PCNX2: variants seen among roughly 807,000 people sequenced by gnomAD.
PCNX2 encodes pecanex-like protein 2.
A neutral mutation model predicts 223.8 loss-of-function variants in PCNX2; 168 were observed. That is an observed-to-expected ratio of 0.75 (90% confidence interval 0.66 to 0.85). The LOEUF is 0.85. Ranked by LOEUF, PCNX2 falls within the 40% of genes least tolerant of loss-of-function variation. The pLI is 0.00. For synonymous variants in PCNX2, 1,006 were observed against 1,052.6 expected (o/e 0.96, Z 0.86); for missense variants, 2,507 against 2,675.5 (o/e 0.94, Z 1.39).
intron 9 of PCNX2, among the ~76,000 whole-genome samples, chr1:233,232,663 A>C (rs1658138046): frequency 6.6e-6 from 1 of 152,184 alleles, no homozygotes; most frequent in African/African-American, 2.4e-5. Context: ...TAATTATTTC[A>C]ATTGTTTCAT....
At chr1:233,036,574 G>C (rs1671462782) in intron 25 of PCNX2, among the ~76,000 whole-genome samples, 1 of 150,776 alleles carries the variant, frequency 6.6e-6, no homozygotes, top group South Asian at 2.1e-4. Context: ...AGGGTGCAGA[G>C]AGCCAAGATT....
In PCNX2 at chr1:233,014,917, G is replaced by A. The variant is rs1252704026; in HGVS notation, c.4840-140C>T. 1.5e-5 allele frequency: 8 copies of A among 527,390 alleles called. No individual in the cohort carries two copies. The African/African-American group carries it at 1.6e-4, about 10-fold the overall frequency. 32.7% of individuals were successfully genotyped at this position (527,390 alleles called of 1,614,324 possible). On this transcript the variant is annotated intron_variant, in intron 27 of 33. Transcript: ENST00000258229. ...CCCTCTAAGATGACCCCACAGACAG[G>A]GAATGCTCAGCTTCCTGAAGCAGTT... is the stretch of plus-strand genomic sequence containing the variant.
chr1:233,292,202 CT>C lies in PCNX2; in HGVS notation c.153+3123del, dbSNP rs963996089. Among the ~76,000 whole-genome samples, 960 of 109,508 alleles carry C rather than the reference CT, an allele frequency of 8.8e-3. 4 individuals are homozygous for C. The highest frequency in any genetic ancestry group is 0.071 in the East Asian group (264 of 3,706). The allele number at this position is 109,508 out of a possible 152,430, so 71.8% of individuals were successfully genotyped here. A position where few individuals can be genotyped will look rare whatever the true frequency, so the allele number is the denominator to read the frequency against. ...ATAGTGAAACTTTCTTTCTTTCTTTCTTTTTTTTTTTTTTTTTTTTTTGAGA... is the reference window on the plus strand; with the variant it reads ...ATAGTGAAACTTTCTTTCTTTCTTTCTTTTTTTTTTTTTTTTTTTTTGAGA... On this transcript the variant is annotated intron_variant, in intron 1 of 33. Coordinates refer to ENST00000258229, the MANE Select transcript of PCNX2 (RefSeq NM_014801.4).
intron 17 of PCNX2, among the ~76,000 whole-genome samples, chr1:233,164,864 G>C (rs1371841168): frequency 6.6e-6 from 1 of 152,048 alleles, no homozygotes; most frequent in Non-Finnish European, 1.5e-5. Flanking sequence ...ATAGTGGTTT[G>C]TAGAGGCTGG....
chr1:233,025,661 A>T, intron 25 of PCNX2: 1 of 502,112 alleles, frequency 2.0e-6, no homozygotes, highest in Non-Finnish European at 3.5e-6. Context: ...ATATGAGCTA[A>T]ATGTCAACAC....
intron 9 of PCNX2, 122 bp downstream of exon 9, chr1:233,236,723 C>T (rs747216777): frequency 1.7e-5 from 24 of 1,408,120 alleles, no homozygotes; most frequent in Middle Eastern, 2.7e-4. Flanking sequence ...ATATCAACAA[C>T]CCGTGATGCA....
the PCNX2 span, among the ~76,000 whole-genome samples, chr1:233,317,883 A>C: frequency 1.3e-5 from 2 of 152,286 alleles, no homozygotes; most frequent in Non-Finnish European, 2.9e-5. Context: ...ACGAGGTTTC[A>C]AGTAACAAAG....
intron 22 of PCNX2, among the ~76,000 whole-genome samples, chr1:233,092,984 A>G (rs1379851050): frequency 1.3e-5 from 2 of 152,042 alleles, no homozygotes; most frequent in South Asian, 2.1e-4. Context: ...TATTTTTAGT[A>G]GAGACGGGGT....
chr1:233,106,690 G>T (rs2102968809), intron 21 of PCNX2, among the ~76,000 whole-genome samples: 1 of 152,246 alleles, frequency 6.6e-6, no homozygotes, highest in South Asian at 2.1e-4. Context: ...CTTGGGAAAT[G>T]GGTATGACAG....
In PCNX2 at chr1:233,139,305, C is replaced by T. The variant is rs369161115; in HGVS notation, c.3659+409G>A. 1.3e-5 allele frequency among the ~76,000 whole-genome samples: 2 copies of T among 152,038 alleles called. No individual in the cohort carries two copies. The highest frequency in any genetic ancestry group is 3.9e-4 in the East Asian group (2 of 5,186). ...GACAGCAGTGACAGTGATTAATTTC[C>T]CCCTCCCACAAGCACAAAATGATAG... is the stretch of plus-strand genomic sequence containing the variant. On this transcript the variant is annotated intron_variant, in intron 20 of 33. Coordinates refer to ENST00000258229, the MANE Select transcript of PCNX2 (RefSeq NM_014801.4). This position sits in a 1 kb window ranked among gnomAD's most constrained non-coding sequence, Gnocchi z 4.4.
At chr1:233,132,968 G>T (rs1676591087) in intron 21 of PCNX2, among the ~76,000 whole-genome samples, 1 of 145,110 alleles carries the variant, frequency 6.9e-6, no homozygotes, top group South Asian at 2.2e-4. Flanking sequence ...GCGCAATCTC[G>T]GCTCACTGCA....
At chr1:233,199,805 C>A (rs575422122) in intron 14 of PCNX2, among the ~76,000 whole-genome samples, 1 of 152,002 alleles carries the variant, frequency 6.6e-6, no homozygotes, top group Admixed American at 6.5e-5. Flanking sequence ...TACACACACA[C>A]ACACACACAC....
At chr1:232,987,843 T>C (rs1237734455) in intron 32 of PCNX2, among the ~76,000 whole-genome samples, 1 of 152,212 alleles carries the variant, frequency 6.6e-6, no homozygotes, top group Non-Finnish European at 1.5e-5. Context: ...GCTGTGATGG[T>C]CGAGTGCCCA....
intron 21 of PCNX2, among the ~76,000 whole-genome samples, chr1:233,121,184 T>C (rs1675769168): frequency 6.6e-6 from 1 of 152,070 alleles, no homozygotes; most frequent in South Asian, 2.1e-4. Flanking sequence ...CCAAAGACTA[T>C]CTAAATAAAT....
At chr1:233,291,443 C>G (rs977158359) in intron 1 of PCNX2, among the ~76,000 whole-genome samples, 9 of 152,016 alleles carry the variant, frequency 5.9e-5, no homozygotes, top group Non-Finnish European at 8.8e-5. Flanking sequence ...AACCCCACCT[C>G]TACTAAAAAT....
intron 23 of PCNX2, among the ~76,000 whole-genome samples, chr1:233,078,038 TG>T: frequency 6.6e-6 from 1 of 152,248 alleles, no homozygotes; most frequent in East Asian, 1.9e-4. Context: ...AGCAACTCTA[TG>T]TAAGGCCTGG....
intron 19 of PCNX2, among the ~76,000 whole-genome samples, chr1:233,156,233 A>G (rs996885154): frequency 1.3e-5 from 2 of 152,252 alleles, no homozygotes; most frequent in Non-Finnish European, 2.9e-5. Flanking sequence ...TTCAGTTATA[A>G]TATCTATTTC....
intron 9 of PCNX2, chr1:233,232,714 G>T: frequency 1.4e-6 from 1 of 736,480 alleles, no homozygotes; most frequent in Non-Finnish European, 1.7e-6. Context: ...TCTTGTTAAT[G>T]TTTTAATGAT....
At chr1:233,208,410 C>G in intron 13 of PCNX2, 108 bp downstream of exon 13, 1 of 1,235,890 alleles carries the variant, frequency 8.1e-7, no homozygotes, top group Non-Finnish European at 1.1e-6. Flanking sequence ...GGAAAGTGCA[C>G]ATCTCTTCAC....
Sources: allele counts gnomAD v4.1 joint callset (sites outside exome capture counted in the v4.1 genomes callset), GRCh38; gene constraint gnomAD v4.1.1; non-coding constraint Gnocchi (gnomAD v3.1); transcripts MANE v1.5; gene names NCBI Gene and HGNC (gene_info 2026-07-23, HGNC 2026-07-21).